Variants in PCDH15 observed in about 807,000 individuals in gnomAD.
PCDH15 encodes the protein protocadherin related 15.
A neutral mutation model predicts 178.5 loss-of-function variants in PCDH15; 129 were observed. That is an observed-to-expected ratio of 0.72 (90% CI 0.63 to 0.84). The LOEUF is 0.84. PCDH15 is among the 40% of genes least tolerant of loss of function. The probability of loss-of-function intolerance (pLI) is 0.00; values close to 1 mark genes in which losing one functional copy is unlikely to be tolerated. For synonymous variants in PCDH15, 800 were observed against 732.0 expected (o/e 1.09, Z -1.50); for missense variants, 2,230 against 2,099.9 (o/e 1.06, Z -1.21).
intron 2 of PCDH15, among the ~76,000 whole-genome samples, chr10:55,373,189 T>C (rs1845547939): frequency 6.6e-6 from 1 of 152,104 alleles, no homozygotes; most frequent in Admixed American, 6.6e-5. Flanking sequence ...AGGGGAAAGC[T>C]CCATGACTTA....
At chr10:54,771,791 T>C (rs974451137) in intron 1 of PCDH15, among the ~76,000 whole-genome samples, 1 of 152,138 alleles carries the variant, frequency 6.6e-6, no homozygotes, top group Non-Finnish European at 1.5e-5. Context: ...CACACTTCCG[T>C]CTTAAAATTT....
intron 3 of PCDH15, among the ~76,000 whole-genome samples, chr10:54,456,821 A>T (rs916825617): frequency 5.3e-5 from 8 of 152,084 alleles, no homozygotes; most frequent in African/African-American, 1.9e-4. Flanking sequence ...TGTTCTTATG[A>T]CAGTGAGTTC....
chr10:55,238,425 A>C lies in PCDH15; in HGVS notation c.-155-71774T>G, dbSNP rs928523631. On this transcript the variant is annotated intron_variant, in intron 1 of 5. Coordinates refer to the PCDH15 transcript ENST00000458638. ...TCGGCCTCCCAAAGTGCTGGGATTA[A>C]AGGCGTGAGCCACCGCGCCCGGCCG... 1.8e-4 allele frequency among the ~76,000 whole-genome samples: 28 copies of C among 152,060 alleles called. No individual in the cohort carries two copies. The East Asian group carries it at 2.3e-3, about 13-fold the overall frequency.
chr10:54,958,525 G>C (rs770096417), intron 2 of PCDH15, among the ~76,000 whole-genome samples: 2 of 151,752 alleles, frequency 1.3e-5, no homozygotes, highest in Non-Finnish European at 3.0e-5. Flanking sequence ...AGCATTTTCA[G>C]TTATGAATTA....
intron 2 of PCDH15, among the ~76,000 whole-genome samples, chr10:54,652,019 GA>G (rs767079756): frequency 1.2e-4 from 18 of 151,560 alleles, no homozygotes; most frequent in Admixed American, 2.0e-4. Context: ...TATATGCAAG[GA>G]ATTTAATGTC....
At chr10:55,069,194 C>G (rs1033746440) in intron 2 of PCDH15, among the ~76,000 whole-genome samples, 4 of 151,548 alleles carry the variant, frequency 2.6e-5, no homozygotes, top group African/African-American at 9.7e-5. Flanking sequence ...AGCCACTGCA[C>G]CCAGACTGTA....
intron 1 of PCDH15, among the ~76,000 whole-genome samples, chr10:55,251,519 G>C (rs1171296381): frequency 6.6e-6 from 1 of 152,026 alleles, no homozygotes; most frequent in African/African-American, 2.4e-5. Context: ...TCAATATTTT[G>C]TTCCTGTTTA....
chr10:55,560,483 C>T (rs1437316344), intron 2 of PCDH15, among the ~76,000 whole-genome samples: 1 of 151,722 alleles, frequency 6.6e-6, no homozygotes, highest in Admixed American at 6.6e-5. Context: ...AAATATGTTC[C>T]TGAGTAACAT....
intron 9 of PCDH15, among the ~76,000 whole-genome samples, chr10:54,217,747 T>C (rs1417110901): frequency 6.6e-6 from 1 of 152,134 alleles, no homozygotes; most frequent in Non-Finnish European, 1.5e-5. Flanking sequence ...GGTTTTGAAA[T>C]ACTATTTACC....
intron 2 of PCDH15, among the ~76,000 whole-genome samples, chr10:54,967,764 A>G (rs1838828566): frequency 6.6e-6 from 1 of 152,154 alleles, no homozygotes; most frequent in African/African-American, 2.4e-5. Context: ...ATTTCCTTAC[A>G]GTTCTGGAGT....
intron 2 of PCDH15, among the ~76,000 whole-genome samples, chr10:55,084,680 C>T (rs961225316): frequency 4.0e-5 from 6 of 151,790 alleles, no homozygotes; most frequent in African/African-American, 1.4e-4. Flanking sequence ...ATCCATCTAA[C>T]AAGGGATTAA....
intron 2 of PCDH15, among the ~76,000 whole-genome samples, chr10:54,632,406 C>A (rs2134716139): frequency 6.6e-6 from 1 of 152,006 alleles, no homozygotes; most frequent in East Asian, 1.9e-4. Context: ...TGCACATGTG[C>A]CCCCTGAATC....
intron 1 of PCDH15, among the ~76,000 whole-genome samples, chr10:54,690,758 G>C (rs2095106229): frequency 6.6e-6 from 1 of 152,012 alleles, no homozygotes; most frequent in Non-Finnish European, 1.5e-5. Context: ...TGTCAGTACT[G>C]TTAATATCAT....
At chr10:54,984,344 C>T (rs1424112283) in intron 2 of PCDH15, among the ~76,000 whole-genome samples, 4 of 152,152 alleles carry the variant, frequency 2.6e-5, no homozygotes, top group Non-Finnish European at 5.9e-5. Flanking sequence ...TCACTCTCTC[C>T]CTTCTCCTTT....
At chr10:55,120,845 C>A (rs1017454762) in intron 2 of PCDH15, among the ~76,000 whole-genome samples, 1 of 152,224 alleles carries the variant, frequency 6.6e-6, no homozygotes, top group African/African-American at 2.4e-5. Context: ...TTGCATACTG[C>A]CAACTCTGTA....
At chr10:53,849,591 G>A (rs2078209015) in intron 28 of PCDH15, among the ~76,000 whole-genome samples, 1 of 152,042 alleles carries the variant, frequency 6.6e-6, no homozygotes, top group African/African-American at 2.4e-5. Context: ...TTGGCCGGAC[G>A]CGGTGGCTCA....
intron 21 of PCDH15, among the ~76,000 whole-genome samples, chr10:53,984,197 TTGAGTGCAG>T (rs2090932733): frequency 7.2e-6 from 1 of 139,778 alleles, no homozygotes; most frequent in South Asian, 2.5e-4. Flanking sequence ...TCCTCCATGC[TTGAGTGCAG>T]TGGTGCAATC....
chr10:54,294,482 T>A (rs1219418189), intron 8 of PCDH15, among the ~76,000 whole-genome samples: 1 of 152,086 alleles, frequency 6.6e-6, no homozygotes, highest in Non-Finnish European at 1.5e-5. Flanking sequence ...TTAGAGACAT[T>A]TTCTGCCTCA....
intron 3 of PCDH15, among the ~76,000 whole-genome samples, chr10:54,501,463 C>T (rs377335593): frequency 5.3e-5 from 8 of 152,190 alleles, no homozygotes; most frequent in African/African-American, 7.2e-5. Flanking sequence ...CCACATTATT[C>T]CATCTAAAGT....
Sources: gnomAD v4.1 joint callset for allele counts (sites outside exome capture counted in the v4.1 genomes callset) on GRCh38, gnomAD v4.1.1 for gene constraint, MANE v1.5 for transcripts, NCBI Gene and HGNC (gene_info 2026-07-23, HGNC 2026-07-21) for gene names.